The following TTC28 variants were observed in gnomAD, a reference collection of about 807,000 sequenced individuals.
TTC28 encodes the protein tetratricopeptide repeat domain 28.
TTC28 carries 61 observed loss-of-function variants against 198.0 expected under a neutral mutation model. The ratio of observed to expected loss-of-function variants is 0.31; its 90% CI spans 0.25 to 0.38. The LOEUF (loss-of-function observed/expected upper bound fraction) is 0.38, where lower values mean the gene tolerates loss of function less well. Ranked by LOEUF, TTC28 falls within the 10% of genes least tolerant of loss-of-function variation. The pLI, the probability that TTC28 is intolerant of heterozygous loss-of-function variation, is 1.00. For missense variants in TTC28, 2,678 were observed against 3,164.0 expected (o/e 0.85, Z 3.69); for synonymous variants, 1,171 against 1,297.8 (o/e 0.90, Z 2.10).
At chr22:28,133,533 G>C (rs1212042222) in intron 6 of TTC28, among the ~76,000 whole-genome samples, 2 of 152,170 alleles carry the variant, frequency 1.3e-5, no homozygotes, top group East Asian at 3.9e-4. Flanking sequence ...TTTTCCAACT[G>C]TCTTAGCAAA....
intron 5 of TTC28, among the ~76,000 whole-genome samples, chr22:28,286,551 C>T (rs1264572985): frequency 6.6e-6 from 1 of 152,080 alleles, no homozygotes; most frequent in Non-Finnish European, 1.5e-5. Flanking sequence ...TATAAATCTA[C>T]GAGAATACAC....
chr22:28,275,626 G>A (rs555606664), intron 5 of TTC28, among the ~76,000 whole-genome samples: 1 of 151,350 alleles, frequency 6.6e-6, no homozygotes, highest in African/African-American at 2.4e-5. Context: ...TCTCTTTTAT[G>A]AAAAAACATA....
intron 5 of TTC28, among the ~76,000 whole-genome samples, chr22:28,272,799 G>A (rs1254737162): frequency 6.6e-6 from 1 of 152,186 alleles, no homozygotes; most frequent in Non-Finnish European, 1.5e-5. Context: ...AAAACCTGAA[G>A]TTCAGAGCTA....
chr22:28,393,056 T>C (rs182427934), intron 2 of TTC28, among the ~76,000 whole-genome samples: 1 of 152,102 alleles, frequency 6.6e-6, no homozygotes, highest in East Asian at 1.9e-4. Flanking sequence ...GTTTTATATT[T>C]ATTTTTTGTA....
At chr22:28,327,300 C>G (rs1437056313) in intron 2 of TTC28, among the ~76,000 whole-genome samples, 2 of 152,052 alleles carry the variant, frequency 1.3e-5, no homozygotes, top group African/African-American at 2.4e-5. Context: ...TGTAAGGTAT[C>G]CTTTTTGTTG....
intron 21 of TTC28, among the ~76,000 whole-genome samples, chr22:27,989,014 A>G (rs1937306368): frequency 6.6e-6 from 1 of 152,250 alleles, no homozygotes. Context: ...TGCCTGACAC[A>G]TAACAGGTGT....
chr22:28,282,073 A>G (rs1427245015), intron 5 of TTC28, among the ~76,000 whole-genome samples: 3 of 152,224 alleles, frequency 2.0e-5, no homozygotes, highest in African/African-American at 7.2e-5. Context: ...AACAAAAAAT[A>G]TAAAACCAAG....
chr22:28,541,808 G>A (rs2049417359), intron 2 of TTC28, among the ~76,000 whole-genome samples: 1 of 152,048 alleles, frequency 6.6e-6, no homozygotes, highest in Admixed American at 6.6e-5. Flanking sequence ...TACTAGATGG[G>A]CCAGGGACAT....
chr22:27,985,586 G>A, intron 21 of TTC28: 1 of 414,274 alleles, frequency 2.4e-6, no homozygotes, highest in Non-Finnish European at 4.6e-6. Context: ...TGGCGTGTGT[G>A]TGGCTCTCAC....
chr22:28,065,566 T>G (rs559669812), intron 12 of TTC28, among the ~76,000 whole-genome samples: 2 of 152,326 alleles, frequency 1.3e-5, no homozygotes, highest in Admixed American at 1.3e-4. Context: ...TTTCTATGGT[T>G]AAACTGAGGG....
At chr22:28,159,658 CAAA>C (rs135652) in intron 6 of TTC28, among the ~76,000 whole-genome samples, 1 of 70,082 alleles carries the variant, frequency 1.4e-5, no homozygotes, top group Non-Finnish European at 2.9e-5. Context: ...GACTCTGTCT[CAAA>C]AAAAAAAAAA....
At chr22:28,204,008 C>A (rs531326500) in intron 5 of TTC28, among the ~76,000 whole-genome samples, 1 of 152,226 alleles carries the variant, frequency 6.6e-6, no homozygotes, top group Non-Finnish European at 1.5e-5. Flanking sequence ...TTATACCTAC[C>A]TCTGCCTGTC....
At chr22:28,113,850 T>A (rs1281787761) in intron 6 of TTC28, among the ~76,000 whole-genome samples, 2 of 152,216 alleles carry the variant, frequency 1.3e-5, no homozygotes, top group Non-Finnish European at 2.9e-5. Context: ...GAAAATTAAA[T>A]AACAAAGGTA....
intron 2 of TTC28, among the ~76,000 whole-genome samples, chr22:28,356,249 T>C (rs1252701285): frequency 6.6e-6 from 1 of 152,186 alleles, no homozygotes; most frequent in African/African-American, 2.4e-5. Flanking sequence ...AAGGTTTGTG[T>C]CAATTGCTGT....
intron 2 of TTC28, among the ~76,000 whole-genome samples, chr22:28,610,626 A>G (rs2050804055): frequency 6.6e-6 from 1 of 152,164 alleles, no homozygotes; most frequent in Non-Finnish European, 1.5e-5. Flanking sequence ...AACCAGCACA[A>G]AAAGGCTGAA....
At position 28,476,066 on chromosome 22, in the gene TTC28, T is replaced by C. The variant is rs749367702; in HGVS notation, c.381+153486A>G. 2.6e-4 allele frequency among the ~76,000 whole-genome samples: 40 copies of C among 152,256 alleles called. 1 individual carries two copies. The highest frequency in any genetic ancestry group is 1.7e-3 in the South Asian group (8 of 4,826). ...AATACTTGACATACCAAGAGACACA[T>C]TGAAGGTTATATTAAGTTATAAAGC... is the stretch of plus-strand genomic sequence containing the variant. On this transcript the variant is annotated intron_variant, in intron 2 of 22. Coordinates refer to ENST00000397906, the MANE Select transcript of TTC28 (RefSeq NM_001145418.2).
chr22:28,086,512 C>T (rs145452592), intron 12 of TTC28, among the ~76,000 whole-genome samples: 243 of 152,228 alleles, frequency 1.6e-3, no homozygotes, highest in African/African-American at 5.4e-3. Flanking sequence ...ACGTTCAAAG[C>T]AGTGTGTAGA....
chr22:28,589,975 T>G (rs191039382), intron 2 of TTC28, among the ~76,000 whole-genome samples: 1 of 134,200 alleles, frequency 7.5e-6, no homozygotes, highest in African/African-American at 2.9e-5. Context: ...AGGCAGAGGT[T>G]ACAGTGAGCC....
intron 2 of TTC28, among the ~76,000 whole-genome samples, chr22:28,481,869 G>A (rs767275210): frequency 3.9e-5 from 6 of 152,242 alleles, no homozygotes; most frequent in Non-Finnish European, 4.4e-5. Context: ...CTGTGATGTA[G>A]GATCCACAAT....
Sources: gnomAD v4.1 joint callset for allele counts (sites outside exome capture counted in the v4.1 genomes callset) on GRCh38, gnomAD v4.1.1 for gene constraint, MANE v1.5 for transcripts, NCBI Gene and HGNC (gene_info 2026-07-23, HGNC 2026-07-21) for gene names.